The following TBC1D5 variants were observed in gnomAD, a reference collection of about 807,000 sequenced individuals.
The protein encoded by TBC1D5 is TBC1 domain family member 5.
TBC1D5 carries 75 observed loss-of-function variants against 100.3 expected under a neutral mutation model. That is an observed-to-expected ratio of 0.75 (90% CI 0.62 to 0.91). TBC1D5 has a LOEUF of 0.91. Ranked by LOEUF, TBC1D5 falls within the 40% of genes least tolerant of loss-of-function variation. The probability of loss-of-function intolerance (pLI) is 0.00; values close to 1 mark genes in which losing one functional copy is unlikely to be tolerated. For synonymous variants in TBC1D5, 323 were observed against 325.6 expected (o/e 0.99, Z 0.09); for missense variants, 910 against 942.4 (o/e 0.97, Z 0.45).
chr3:17,177,226 T>A (rs550035513), intron 19 of TBC1D5, among the ~76,000 whole-genome samples: 1 of 152,332 alleles, frequency 6.6e-6, no homozygotes, highest in South Asian at 2.1e-4. Context: ...GGACAGTCTG[T>A]ACTGAGGCCC....
At chr3:17,677,525 G>A (rs1248384650) in intron 1 of TBC1D5, among the ~76,000 whole-genome samples, 1 of 152,150 alleles carries the variant, frequency 6.6e-6, no homozygotes, top group Non-Finnish European at 1.5e-5. Flanking sequence ...TGGAGAAATA[G>A]GAACACTTTT....
intron 1 of TBC1D5, among the ~76,000 whole-genome samples, chr3:17,736,717 A>G (rs572925822): frequency 4.8e-4 from 73 of 152,238 alleles, no homozygotes; most frequent in Admixed American, 1.3e-3. Flanking sequence ...ATAAAGTCAA[A>G]ACACTTCCTG....
intron 16 of TBC1D5, among the ~76,000 whole-genome samples, chr3:17,253,943 G>T (rs539120989): frequency 2.0e-5 from 3 of 152,276 alleles, no homozygotes; most frequent in South Asian, 4.1e-4. Context: ...ATATATGCAG[G>T]TTCCTATATG....
chr3:17,245,292 A>G (rs1347199247), intron 16 of TBC1D5, among the ~76,000 whole-genome samples: 2 of 152,214 alleles, frequency 1.3e-5, no homozygotes, highest in Non-Finnish European at 2.9e-5. Context: ...ATTTACTTCA[A>G]TGAAAGACTT....
chr3:17,300,458 T>C (rs891633266), intron 14 of TBC1D5, among the ~76,000 whole-genome samples: 2 of 152,178 alleles, frequency 1.3e-5, no homozygotes, highest in Admixed American at 1.3e-4. Flanking sequence ...ATAGAAATTC[T>C]GGGTTAGGAC....
Position 17,467,505 on chromosome 3 carries a change from C to G in TBC1D5, c.98-38986G>C, listed in dbSNP as rs34264532. On this transcript the variant is annotated intron_variant, in intron 3 of 21. Transcript: ENST00000253692. ...TTTTGGCTACAAGTGTCCAAAGACACAGACAAAAAAAGTTACATTTACTCA... is the reference window on the plus strand; with the variant it reads ...TTTTGGCTACAAGTGTCCAAAGACAGAGACAAAAAAAGTTACATTTACTCA... Among the ~76,000 whole-genome samples, 475 of 151,810 alleles carry G rather than the reference C, an allele frequency of 3.1e-3. 4 individuals carry two copies. The highest frequency in any genetic ancestry group is 4.7e-3 in the Non-Finnish European group (320 of 67,898).
At chr3:17,499,706 T>G (rs1053762150) in intron 3 of TBC1D5, among the ~76,000 whole-genome samples, 1 of 148,568 alleles carries the variant, frequency 6.7e-6, no homozygotes, top group African/African-American at 2.6e-5. Flanking sequence ...AAAAAAAATC[T>G]AAACCCTTAC....
chr3:17,166,865 C>T (rs770804604), exon 21 of TBC1D5: 22 of 1,614,030 alleles, frequency 1.4e-5, no homozygotes, highest in African/African-American at 2.7e-5. Flanking sequence ...GTGATCTGTT[C>T]GTTCTCTTCG....
chr3:17,178,361 G>A (rs1436257235), intron 19 of TBC1D5, among the ~76,000 whole-genome samples: 1 of 152,070 alleles, frequency 6.6e-6, no homozygotes, highest in Non-Finnish European at 1.5e-5. Flanking sequence ...CACTGTGCCT[G>A]GCCTAGTGCT....
At position 17,244,068 on chromosome 3, in the gene TBC1D5, GAGTTACAAA is replaced by G. The variant is rs1023781270; in HGVS notation, c.1332-5658_1332-5650del. Among the ~76,000 whole-genome samples the G allele has an allele frequency of 9.9e-4, 150 of 152,208 alleles. 1 individual carries two copies. The highest frequency in any genetic ancestry group is 3.5e-3 in the African/African-American group (145 of 41,528). On this transcript the variant is annotated intron_variant, in intron 16 of 21. Coordinates refer to ENST00000253692, the Ensembl canonical transcript of TBC1D5. ...TTTTGGTGTGGCTTAGAAATGAGAT[GAGTTACAAA>G]AGTTAAAAAAGTGAGTTACAAAAGC...
intron 2 of TBC1D5, among the ~76,000 whole-genome samples, chr3:17,597,360 C>A (rs2060637690): frequency 6.6e-6 from 1 of 152,106 alleles, no homozygotes; most frequent in Admixed American, 6.5e-5. Flanking sequence ...TCTCCTCCCC[C>A]AGAAAAACAG....
chr3:17,627,690 G>T (rs2063171218), intron 1 of TBC1D5, among the ~76,000 whole-genome samples: 1 of 151,048 alleles, frequency 6.6e-6, no homozygotes, highest in Non-Finnish European at 1.5e-5. Context: ...GAGAGAGAGA[G>T]GGGCTATGTT....
At chr3:17,211,416 G>A (rs2072969486) in intron 18 of TBC1D5, among the ~76,000 whole-genome samples, 1 of 152,146 alleles carries the variant, frequency 6.6e-6, no homozygotes, top group South Asian at 2.1e-4. Flanking sequence ...TTTCCAGTAG[G>A]GTGGTTCACA....
intron 13 of TBC1D5, among the ~76,000 whole-genome samples, chr3:17,362,923 T>C (rs1393609674): frequency 6.6e-6 from 1 of 152,174 alleles, no homozygotes; most frequent in Non-Finnish European, 1.5e-5. Flanking sequence ...TACCATGATA[T>C]GTTCCATTAC....
At chr3:17,189,077 ATTCC>A (rs1399081169) in intron 18 of TBC1D5, among the ~76,000 whole-genome samples, 4 of 152,200 alleles carry the variant, frequency 2.6e-5, no homozygotes, top group African/African-American at 9.7e-5. Context: ...AAGTTCCTTA[ATTCC>A]TTGGTCTACT....
At chr3:17,553,247 G>GT (rs1209009781) in intron 2 of TBC1D5, among the ~76,000 whole-genome samples, 1 of 152,104 alleles carries the variant, frequency 6.6e-6, no homozygotes, top group Non-Finnish European at 1.5e-5. Context: ...AGCCAATGCC[G>GT]TAAGAACTGC....
At chr3:17,703,341 G>A (rs1463823776) in intron 1 of TBC1D5, among the ~76,000 whole-genome samples, 1 of 151,720 alleles carries the variant, frequency 6.6e-6, no homozygotes, top group African/African-American at 2.4e-5. Context: ...ATACATCCAT[G>A]CATAGAAAAT....
At chr3:17,505,113 T>C (rs1247347478) in intron 3 of TBC1D5, among the ~76,000 whole-genome samples, 1 of 152,100 alleles carries the variant, frequency 6.6e-6, no homozygotes, top group Non-Finnish European at 1.5e-5. Flanking sequence ...TTGAAACAGA[T>C]AGTATATTAA....
At chr3:17,552,889 A>G (rs938628944) in intron 2 of TBC1D5, among the ~76,000 whole-genome samples, 4 of 152,180 alleles carry the variant, frequency 2.6e-5, no homozygotes, top group Non-Finnish European at 4.4e-5. Flanking sequence ...GAATAAATCC[A>G]GAATTCCAGG....
Sources: gnomAD v4.1 joint callset for allele counts (sites outside exome capture counted in the v4.1 genomes callset) on GRCh38, gnomAD v4.1.1 for gene constraint, MANE v1.5 for transcripts, NCBI Gene and HGNC (gene_info 2026-07-23, HGNC 2026-07-21) for gene names.